The following PREX2 variants were observed in gnomAD, a reference collection of about 807,000 sequenced individuals.
The protein encoded by PREX2 is phosphatidylinositol 3,4,5-trisphosphate-dependent Rac exchanger 2 protein.
PREX2 carries 107 observed loss-of-function variants against 203.2 expected under a neutral mutation model. That is an observed-to-expected ratio of 0.53 (90% CI 0.45 to 0.62). The LOEUF (loss-of-function observed/expected upper bound fraction) is 0.62. Among genes scored for constraint, PREX2 ranks in the 20% least tolerant of loss-of-function variants. PREX2 has a pLI of 0.00. For synonymous variants in PREX2, 672 were observed against 663.6 expected (o/e 1.01, Z -0.19); for missense variants, 1,777 against 1,955.9 (o/e 0.91, Z 1.72).
rs1009921502 is a variant in PREX2, at chr8:68,232,557, G to T, written c.*1179G>T. On this transcript the variant is annotated 3_prime_UTR_variant, in exon 40 of 40. Transcript: ENST00000288368. Reference sequence around the variant, plus strand: ...ACTCATGATTGTGATAATTATATGGGTTTACACTAATTTAGTATGTGAAAT... The same window carrying T: ...ACTCATGATTGTGATAATTATATGGTTTTACACTAATTTAGTATGTGAAAT... 6.6e-6 allele frequency: 1 copy of T among 151,906 alleles called. No individual in the cohort carries two copies. The highest frequency in any genetic ancestry group is 6.6e-5 in the Admixed American group (1 of 15,244). 9.4% of individuals were successfully genotyped at this position (151,906 alleles called of 1,614,324 possible).
intron 32 of PREX2, among the ~76,000 whole-genome samples, chr8:68,135,929 T>C (rs577002484): frequency 2.0e-5 from 3 of 152,166 alleles, no homozygotes; most frequent in African/African-American, 7.2e-5. Context: ...TGCTACAACA[T>C]GGATAAACAC....
intron 33 of PREX2, among the ~76,000 whole-genome samples, chr8:68,143,768 CA>C (rs1811271760): frequency 6.6e-6 from 1 of 152,040 alleles, no homozygotes; most frequent in Non-Finnish European, 1.5e-5. Context: ...TCAGTATTTC[CA>C]AGGTCATCTA....
intron 1 of PREX2, among the ~76,000 whole-genome samples, chr8:67,965,832 A>G (rs1805759221): frequency 6.6e-6 from 1 of 152,104 alleles, no homozygotes; most frequent in Non-Finnish European, 1.5e-5. Flanking sequence ...AATTAGCACA[A>G]CCATATGATT....
chr8:68,085,006 C>G (rs543551153), intron 18 of PREX2, among the ~76,000 whole-genome samples: 2 of 152,122 alleles, frequency 1.3e-5, no homozygotes, highest in Non-Finnish European at 2.9e-5. Flanking sequence ...AGCAGAATAG[C>G]AATCTGTGTC....
chr8:68,170,452 G>A (rs372279935), intron 35 of PREX2, among the ~76,000 whole-genome samples: 26 of 152,212 alleles, frequency 1.7e-4, no homozygotes, highest in African/African-American at 4.8e-4. Flanking sequence ...GTGGAAACAC[G>A]AACAGAGACA....
intron 31 of PREX2, among the ~76,000 whole-genome samples, chr8:68,130,486 A>G (rs781509272): frequency 6.0e-4 from 92 of 152,168 alleles, no homozygotes; most frequent in Admixed American, 2.6e-3. Flanking sequence ...CTGAGCACCT[A>G]CTCAGTGCCA....
chr8:68,072,693 C>G, intron 14 of PREX2, 123 bp downstream of exon 14: 2 of 563,348 alleles, frequency 3.6e-6, no homozygotes, highest in Non-Finnish European at 6.3e-6. Flanking sequence ...GTACATACAA[C>G]TAATAGGAAG....
chr8:68,234,780 G>A lies in PREX2; in HGVS notation c.*3402G>A, dbSNP rs1813234143. 6.6e-6 allele frequency: 1 copy of A among 151,958 alleles called. No individual in the cohort carries two copies. The highest frequency in any genetic ancestry group is 2.4e-5 in the African/African-American group (1 of 41,368). The allele number at this position is 151,958 out of a possible 1,614,324, so 9.4% of individuals were successfully genotyped here. Reference sequence around the variant, plus strand: ...TGTGCATTCATTGGCCACTCTTCTTGCAGCAAATTTTAAATCAATTTAAAA... The same window carrying A: ...TGTGCATTCATTGGCCACTCTTCTTACAGCAAATTTTAAATCAATTTAAAA... On this transcript the variant is annotated 3_prime_UTR_variant, in exon 40 of 40. Coordinates refer to ENST00000288368, the MANE Select transcript of PREX2 (RefSeq NM_024870.4).
intron 12 of PREX2, 143 bp downstream of exon 12, chr8:68,069,279 T>C (rs1241367446): frequency 1.8e-6 from 1 of 558,034 alleles, no homozygotes; most frequent in Non-Finnish European, 3.1e-6. Flanking sequence ...TCTTTATTTA[T>C]TTTTGGTATT....
At chr8:68,031,671 C>A (rs1807885186) in intron 6 of PREX2, among the ~76,000 whole-genome samples, 1 of 152,160 alleles carries the variant, frequency 6.6e-6, no homozygotes, top group African/African-American at 2.4e-5. Flanking sequence ...CCAACTCTTT[C>A]CATTTCAAGT....
At chr8:67,956,640 T>A (rs1380778211) in intron 1 of PREX2, among the ~76,000 whole-genome samples, 3 of 152,160 alleles carry the variant, frequency 2.0e-5, no homozygotes, top group African/African-American at 7.2e-5. Flanking sequence ...TAACTGTGGG[T>A]CAGTGGCAAT....
At chr8:68,170,434 G>T (rs1045728914) in intron 35 of PREX2, among the ~76,000 whole-genome samples, 1 of 152,202 alleles carries the variant, frequency 6.6e-6, no homozygotes, top group African/African-American at 2.4e-5. Context: ...ATTTTCCCCC[G>T]GTCTCCTGTG....
chr8:68,097,391 C>G (rs1463301610), intron 22 of PREX2, among the ~76,000 whole-genome samples, 190 bp downstream of exon 22: 1 of 150,614 alleles, frequency 6.6e-6, no homozygotes, highest in Non-Finnish European at 1.5e-5. Flanking sequence ...GTGGCGTGAT[C>G]TCGGCTCACT....
intron 17 of PREX2, among the ~76,000 whole-genome samples, chr8:68,081,745 A>T (rs1035367536): frequency 6.6e-6 from 1 of 152,138 alleles, no homozygotes; most frequent in East Asian, 1.9e-4. Context: ...CCCAGGCTAG[A>T]GTCCAGTGGC....
intron 20 of PREX2, 50 bp from the exon 21 acceptor site, chr8:68,093,554 AT>A (rs1809958973): frequency 1.2e-6 from 1 of 830,826 alleles, no homozygotes; most frequent in Non-Finnish European, 2.0e-6. Context: ...ATGGGCATGT[AT>A]TTTAGGAAGC....
intron 1 of PREX2, among the ~76,000 whole-genome samples, chr8:67,978,969 G>A (rs62520676): frequency 0.22 from 33,549 of 151,984 alleles, 4,745 homozygotes; most frequent in East Asian, 0.54. Context: ...TTACACTACA[G>A]TATGTAAGTA....
At chr8:68,036,591 T>C (rs1000178873) in intron 6 of PREX2, among the ~76,000 whole-genome samples, 2 of 149,600 alleles carry the variant, frequency 1.3e-5, no homozygotes, top group African/African-American at 5.1e-5. Context: ...TACATGAAAT[T>C]CTGTAATTTT....
At chr8:68,113,970 T>C (rs1810589058) in intron 25 of PREX2, among the ~76,000 whole-genome samples, 2 of 152,178 alleles carry the variant, frequency 1.3e-5, no homozygotes, top group African/African-American at 4.8e-5. Flanking sequence ...CAAGCGATTC[T>C]CCTGCCTCAG....
At chr8:68,184,067 TTAAG>T (rs1481381080) in intron 35 of PREX2, among the ~76,000 whole-genome samples, 3 of 152,132 alleles carry the variant, frequency 2.0e-5, no homozygotes, top group African/African-American at 7.2e-5. Flanking sequence ...TCACGTAACT[TTAAG>T]TAAAATGCAT....
Sources: allele counts gnomAD v4.1 joint callset (sites outside exome capture counted in the v4.1 genomes callset), GRCh38; gene constraint gnomAD v4.1.1; transcripts MANE v1.5; gene names NCBI Gene and HGNC (gene_info 2026-07-23, HGNC 2026-07-21).